TRPS1: variants seen among roughly 807,000 people sequenced by gnomAD.
The protein encoded by TRPS1 is zinc finger transcription factor Trps1.
A neutral mutation model predicts 101.2 loss-of-function variants in TRPS1; 6 were observed. The observed-to-expected ratio is 0.06, with a 90% CI of 0.03 to 0.12. The LOEUF (loss-of-function observed/expected upper bound fraction) is 0.12. Among genes scored for constraint, TRPS1 ranks in the 10% least tolerant of loss-of-function variants. The pLI, the probability that TRPS1 is intolerant of heterozygous loss-of-function variation, is 1.00. For synonymous variants in TRPS1, 578 were observed against 589.8 expected, an observed-to-expected ratio of 0.98 and a Z score of 0.29; for missense variants, 1,363 against 1,567.0, an observed-to-expected ratio of 0.87 and a Z score of 2.20.
intron 5 of TRPS1, among the ~76,000 whole-genome samples, chr8:115,436,565 T>C (rs1415774640): frequency 6.6e-6 from 1 of 152,162 alleles, no homozygotes; most frequent in Non-Finnish European, 1.5e-5. Context: ...AGGAGTCTTC[T>C]GTGCTGCCCA....
intron 5 of TRPS1, among the ~76,000 whole-genome samples, chr8:115,539,175 A>G (rs1351554911): frequency 1.3e-5 from 2 of 152,174 alleles, no homozygotes; most frequent in African/African-American, 2.4e-5. Flanking sequence ...GAAGCAAAGA[A>G]CCCTTCCCTA....
intron 5 of TRPS1, among the ~76,000 whole-genome samples, chr8:115,586,606 A>G (rs1817565545): frequency 6.6e-6 from 1 of 152,208 alleles, no homozygotes; most frequent in Admixed American, 6.5e-5. Context: ...TGACTTCCTT[A>G]TTAACCATAT....
At chr8:115,538,511 T>C (rs933423346) in intron 5 of TRPS1, among the ~76,000 whole-genome samples, 3 of 151,780 alleles carry the variant, frequency 2.0e-5, no homozygotes, top group African/African-American at 7.3e-5. Flanking sequence ...TGAAAGCCAA[T>C]GGAAAGACAA....
intron 5 of TRPS1, among the ~76,000 whole-genome samples, chr8:115,534,890 G>A (rs1364560936): frequency 6.6e-6 from 1 of 151,786 alleles, no homozygotes; most frequent in Non-Finnish European, 1.5e-5. Context: ...AATACACTAG[G>A]AACTTACTCT....
chr8:115,583,662 T>C lies in TRPS1; in HGVS notation c.2700+3339A>G, dbSNP rs528393833. Among the ~76,000 whole-genome samples, 17 of 152,014 alleles carry C rather than the reference T, an allele frequency of 1.1e-4. No individual in the cohort carries two copies. The South Asian group carries it at 2.1e-3, about 19-fold the overall frequency. On this transcript the variant is annotated intron_variant, in intron 5 of 6. Transcript: ENST00000395715. ...TTGTAGAAATATTGTGTGATTAATA[T>C]GCAAAAAAAAGCCTAGTTTTCCTAG...
chr8:115,440,394 C>T (rs1020509133), intron 5 of TRPS1, among the ~76,000 whole-genome samples: 16 of 152,330 alleles, frequency 1.1e-4, no homozygotes, highest in African/African-American at 3.8e-4. Flanking sequence ...CATCTGAGAG[C>T]AGCACACAGC....
chr8:115,427,319 T>G (rs995113002), intron 5 of TRPS1, among the ~76,000 whole-genome samples: 1 of 152,114 alleles, frequency 6.6e-6, no homozygotes, highest in Non-Finnish European at 1.5e-5. Flanking sequence ...AAAAGAATTT[T>G]TGAATCAACT....
In TRPS1 at chr8:115,612,379, G is replaced by A. The variant is rs1818190554; in HGVS notation, c.966+6753C>T. Among the ~76,000 whole-genome samples the A allele has an allele frequency of 2.6e-5, 4 of 152,118 alleles. No homozygotes were observed. The South Asian group carries it at 8.3e-4, about 31-fold the overall frequency. On this transcript the variant is annotated intron_variant, in intron 3 of 6. Coordinates refer to ENST00000395715, the MANE Select transcript of TRPS1 (RefSeq NM_014112.5). Reference sequence around the variant, plus strand: ...CAATAAGGATTTACTTGAAAGAAGTGACAGTAAAAGAATAAAGAAGGGAAC... The same window carrying A: ...CAATAAGGATTTACTTGAAAGAAGTAACAGTAAAAGAATAAAGAAGGGAAC...
At chr8:115,498,188 C>A (rs1024507257) in intron 5 of TRPS1, among the ~76,000 whole-genome samples, 6 of 151,790 alleles carry the variant, frequency 4.0e-5, no homozygotes, top group African/African-American at 1.2e-4. Context: ...ACCAGCTGGG[C>A]AAACATGACA....
At chr8:115,502,698 G>A (rs1815347140) in intron 5 of TRPS1, among the ~76,000 whole-genome samples, 1 of 152,074 alleles carries the variant, frequency 6.6e-6, no homozygotes, top group East Asian at 1.9e-4. Flanking sequence ...CGGTGAAACT[G>A]TTAAAAATAG....
intron 5 of TRPS1, among the ~76,000 whole-genome samples, chr8:115,539,854 C>A (rs1007580303): frequency 6.6e-6 from 1 of 152,116 alleles, no homozygotes; most frequent in African/African-American, 2.4e-5. Context: ...TGGAATGCAG[C>A]CTCCGACTCA....
intron 5 of TRPS1, among the ~76,000 whole-genome samples, chr8:115,473,738 T>TC (rs1486232179): frequency 6.6e-6 from 1 of 152,216 alleles, no homozygotes; most frequent in Non-Finnish European, 1.5e-5. Flanking sequence ...ATAAAACACT[T>TC]CACTTCTGAA....
chr8:115,463,596 C>T lies in TRPS1; in HGVS notation c.2701-45144G>A, dbSNP rs113509656. Among the ~76,000 whole-genome samples, 533 of 152,186 alleles carry T rather than the reference C, an allele frequency of 3.5e-3. 7 individuals carry two copies. Among genetic ancestry groups the T allele is most frequent in the Non-Finnish European group, 3.2e-3 (216 of 68,006 alleles). Reference sequence around the variant, plus strand: ...ATGAAACCAAATATCCATCCATGACCGGTCAACATGGAAACCCTCATTGAA... The same window carrying T: ...ATGAAACCAAATATCCATCCATGACTGGTCAACATGGAAACCCTCATTGAA... On this transcript the variant is annotated intron_variant, in intron 5 of 6. Coordinates refer to ENST00000395715, the MANE Select transcript of TRPS1 (RefSeq NM_014112.5).
chr8:115,636,278 G>A (rs1818764875), intron 1 of TRPS1, among the ~76,000 whole-genome samples: 1 of 152,022 alleles, frequency 6.6e-6, no homozygotes. Flanking sequence ...CCTGTTTACT[G>A]CGCCACAGAT....
intron 5 of TRPS1, among the ~76,000 whole-genome samples, chr8:115,567,399 G>A (rs566584539): frequency 1.3e-5 from 2 of 152,070 alleles, no homozygotes; most frequent in South Asian, 4.2e-4. Flanking sequence ...AGAAAGGGGG[G>A]TGGGGAAATC....
rs1284449911 is a variant in TRPS1 at position 115,604,982 on chromosome 8, G to T, written c.987C>A (p.Phe329Leu). 6.2e-7 allele frequency: 1 copy of T among 1,613,650 alleles called. No individual in the cohort carries two copies. The highest frequency in any genetic ancestry group is 1.1e-5 in the South Asian group (1 of 91,080). Residue 329 changes from phenylalanine (F) to leucine (L), a missense_variant, in exon 4 of 7, where the codon TTC (phenylalanine) becomes TTA (leucine). By Grantham distance (22) the Phe-to-Leu change is conservative. Coordinates refer to ENST00000395715, the MANE Select transcript of TRPS1 (RefSeq NM_014112.5). The surrounding 1 kb of genome is among the most constrained non-coding windows in gnomAD (Gnocchi z 4.1). ...YDVQVTSGGTFIGIGRKTPDC... is the reference protein window; with the variant it reads ...YDVQVTSGGTLIGIGRKTPDC... ...CTGGTGTTTTCCGTCCAATGCCAAT[G>T]AATGTTCCACCTGAAGTCACCTGGA... is the stretch of plus-strand genomic sequence containing the variant.
intron 4 of TRPS1, among the ~76,000 whole-genome samples, chr8:115,589,778 GACCTAGA>G (rs1329628595): frequency 1.3e-5 from 2 of 152,078 alleles, no homozygotes; most frequent in Non-Finnish European, 2.9e-5. Flanking sequence ...TAAAATCTAG[GACCTAGA>G]ACCTCTGTGG....
In TRPS1 at chr8:115,668,557, C is replaced by T. The variant is rs1039343803; in HGVS notation, c.-134G>A. On this transcript the variant is annotated 5_prime_UTR_variant, in exon 1 of 7. Transcript: ENST00000395715. ...CTCCCCTCCTTACCTGTTGATTAAT[C>T]GTCAAGAACACCCTCGGCAGCCCGA... 1 of 145,868 alleles carries T rather than the reference C, an allele frequency of 6.9e-6. No individual in the cohort carries two copies. The highest frequency in any genetic ancestry group is 2.5e-5 in the African/African-American group (1 of 40,284). The allele number at this position is 145,868 out of a possible 1,614,324, so 9.0% of individuals were successfully genotyped here.
intron 5 of TRPS1, among the ~76,000 whole-genome samples, chr8:115,535,172 CATATATAGCATATGTATAGCAT>C (rs1366285145): frequency 2.4e-4 from 9 of 37,012 alleles, no homozygotes; most frequent in African/African-American, 4.9e-4. Context: ...ATATGTATTG[CATATATAGCATATGTATAGCAT>C]ATATATAGCA....
Sources: allele counts gnomAD v4.1 joint callset (sites outside exome capture counted in the v4.1 genomes callset), GRCh38; gene constraint gnomAD v4.1.1; non-coding constraint Gnocchi (gnomAD v3.1); transcripts MANE v1.5; gene names NCBI Gene and HGNC (gene_info 2026-07-23, HGNC 2026-07-21).